Variants in ARHGAP15 observed in about 807,000 individuals in gnomAD.
ARHGAP15 encodes the protein Rho GTPase activating protein 15.
A neutral mutation model predicts 63.7 loss-of-function variants in ARHGAP15; 51 were observed. The observed-to-expected ratio is 0.80, with a 90% confidence interval of 0.64 to 1.01. The LOEUF (loss-of-function observed/expected upper bound fraction) is 1.01. ARHGAP15 is among the 50% of genes least tolerant of loss of function. The pLI is 0.00. For synonymous variants in ARHGAP15, 191 were observed against 193.8 expected, an observed-to-expected ratio of 0.99 and a Z score of 0.12; for missense variants, 560 against 564.6, an observed-to-expected ratio of 0.99 and a Z score of 0.08.
At position 143,362,046 on chromosome 2, in the gene ARHGAP15, G is replaced by T. The variant is rs1005122364; in HGVS notation, c.475-73555G>T. On this transcript the variant is annotated intron_variant, in intron 6 of 13. Transcript: ENST00000295095. ...CCTACAAGTTACCAAAGTTTAAGTT[G>T]GTTTTCCAGATTTCTTTTTTAACCA... 4.5e-4 allele frequency among the ~76,000 whole-genome samples: 69 copies of T among 152,034 alleles called. 2 individuals carry two copies. The highest frequency in any genetic ancestry group is 7.4e-5 in the Non-Finnish European group (5 of 68,000).
chr2:143,133,924 A>C (rs1689010384), intron 1 of ARHGAP15, among the ~76,000 whole-genome samples: 1 of 152,178 alleles, frequency 6.6e-6, no homozygotes, highest in African/African-American at 2.4e-5. Context: ...TCTTTTAGAA[A>C]TATAGATTAG....
At chr2:143,621,162 G>A (rs1698634640) in intron 11 of ARHGAP15, among the ~76,000 whole-genome samples, 1 of 152,020 alleles carries the variant, frequency 6.6e-6, no homozygotes, top group Non-Finnish European at 1.5e-5. Context: ...TAAAGGTCAG[G>A]GATACTGCTA....
intron 13 of ARHGAP15, among the ~76,000 whole-genome samples, chr2:143,760,943 C>G (rs1686740972): frequency 6.6e-6 from 1 of 151,862 alleles, no homozygotes; most frequent in Non-Finnish European, 1.5e-5. Flanking sequence ...TTTGAGTGAC[C>G]ACCTCGAAAC....
intron 8 of ARHGAP15, among the ~76,000 whole-genome samples, chr2:143,456,259 G>A (rs1690647852): frequency 6.6e-6 from 1 of 152,080 alleles, no homozygotes; most frequent in Non-Finnish European, 1.5e-5. Flanking sequence ...ACTTCTGTTA[G>A]ACCAAATATA....
intron 10 of ARHGAP15, among the ~76,000 whole-genome samples, chr2:143,535,466 C>A (rs1238333571): frequency 6.6e-6 from 1 of 152,036 alleles, no homozygotes; most frequent in Non-Finnish European, 1.5e-5. Flanking sequence ...GAAAAAAGGA[C>A]GAATTCTAAT....
chr2:143,581,136 C>T (rs959960209), intron 11 of ARHGAP15, among the ~76,000 whole-genome samples: 32 of 152,036 alleles, frequency 2.1e-4, no homozygotes, highest in Non-Finnish European at 7.4e-5. Context: ...GCTTGAACAC[C>T]GTCCATGTTT....
Position 143,587,147 on chromosome 2 carries a change from T to A in ARHGAP15, c.1003+30662T>A, listed in dbSNP as rs184917341. Among the ~76,000 whole-genome samples, 89 of 152,270 alleles carry A rather than the reference T, an allele frequency of 5.8e-4. 1 individual carries two copies. The highest frequency in any genetic ancestry group is 2.0e-3 in the African/African-American group (83 of 41,578). On this transcript the variant is annotated intron_variant, in intron 11 of 13. Coordinates refer to ENST00000295095, the MANE Select transcript of ARHGAP15 (RefSeq NM_018460.4). ...TTTCCTTACTCATAGGATACAGCCA[T>A]TCCCATGTCCTGATACTCTAATCAG... is the stretch of plus-strand genomic sequence containing the variant.
chr2:143,751,239 G>T (rs1686360818), intron 13 of ARHGAP15, among the ~76,000 whole-genome samples: 1 of 152,212 alleles, frequency 6.6e-6, no homozygotes, highest in Non-Finnish European at 1.5e-5. Flanking sequence ...GGATGAAGAT[G>T]GCTTGGCCTT....
intron 13 of ARHGAP15, among the ~76,000 whole-genome samples, chr2:143,704,840 A>G (rs1463799232): frequency 6.6e-6 from 1 of 152,158 alleles, no homozygotes; most frequent in East Asian, 1.9e-4. Context: ...ATGATTTTTC[A>G]TTGTGAATGT....
rs368712887 is a variant in ARHGAP15 at position 143,337,413 on chromosome 2, T to TG, written c.474+86814dup. On this transcript the variant is annotated intron_variant, in intron 6 of 13. Coordinates refer to ENST00000295095, the MANE Select transcript of ARHGAP15 (RefSeq NM_018460.4). ...ATGTTGTTTTTTTGGCATGTGGTAT[T>TG]GTTTCTATAGGCTGTATATGACAAA... Among the ~76,000 whole-genome samples, 347 of 152,308 alleles carry TG rather than the reference T, an allele frequency of 2.3e-3. 1 individual carries two copies. The highest frequency in any genetic ancestry group is 8.2e-3 in the African/African-American group (339 of 41,572).
chr2:143,522,893 G>A (rs75431592), intron 10 of ARHGAP15, among the ~76,000 whole-genome samples: 334 of 152,216 alleles, frequency 2.2e-3, no homozygotes, highest in African/African-American at 7.1e-3. Flanking sequence ...TTATGATGAC[G>A]TCATATGTGT....
At chr2:143,497,978 C>G (rs543751345) in intron 9 of ARHGAP15, among the ~76,000 whole-genome samples, 2 of 152,256 alleles carry the variant, frequency 1.3e-5, no homozygotes, top group East Asian at 3.9e-4. Flanking sequence ...CCCCATTCAG[C>G]AGATGTGTTA....
At chr2:143,202,322 A>G in intron 3 of ARHGAP15, 120 bp downstream of exon 3, 1 of 783,102 alleles carries the variant, frequency 1.3e-6, no homozygotes, top group Non-Finnish European at 2.2e-6. Context: ...GAATCAGGGC[A>G]CCACTTAGTA....
At chr2:143,323,557 A>C (rs1174162624) in intron 6 of ARHGAP15, among the ~76,000 whole-genome samples, 3 of 152,198 alleles carry the variant, frequency 2.0e-5, no homozygotes, top group Non-Finnish European at 4.4e-5. Flanking sequence ...GTCTTACCTC[A>C]AAAATGATTC....
rs1346320751 is a variant in ARHGAP15 at position 143,597,659 on chromosome 2, C to A, written c.1004-26474C>A. Among the ~76,000 whole-genome samples, 65 of 152,142 alleles carry A rather than the reference C, an allele frequency of 4.3e-4. No homozygotes were observed. In the East Asian group the frequency reaches 0.012, roughly 28 times the overall value. Reference sequence around the variant, plus strand: ...AGTAACTGTTTTGTTAAGTAAATAGCATTTACTCACATGAGAAAATAACTT... The same window carrying A: ...AGTAACTGTTTTGTTAAGTAAATAGAATTTACTCACATGAGAAAATAACTT... On this transcript the variant is annotated intron_variant, in intron 11 of 13. Transcript: ENST00000295095.
chr2:143,338,560 A>G (rs1558904253), intron 6 of ARHGAP15, among the ~76,000 whole-genome samples: 1 of 152,202 alleles, frequency 6.6e-6, no homozygotes, highest in Non-Finnish European at 1.5e-5. Flanking sequence ...TAGGAGATGA[A>G]AAGAAGGCAT....
intron 1 of ARHGAP15, among the ~76,000 whole-genome samples, chr2:143,143,539 G>C (rs546696393): frequency 3.1e-4 from 46 of 148,630 alleles, no homozygotes; most frequent in African/African-American, 1.1e-3. Flanking sequence ...ACTTCCTTTG[G>C]TCTTTATCAA....
chr2:143,353,577 A>C (rs1041537372), intron 6 of ARHGAP15, among the ~76,000 whole-genome samples: 2 of 152,180 alleles, frequency 1.3e-5, no homozygotes, highest in African/African-American at 4.8e-5. Context: ...TAGATAAATG[A>C]ACCTGTGTCC....
chr2:143,441,000 C>T (rs1254745898), intron 8 of ARHGAP15, among the ~76,000 whole-genome samples: 1 of 152,168 alleles, frequency 6.6e-6, no homozygotes, highest in Non-Finnish European at 1.5e-5. Flanking sequence ...CTTTCCACAT[C>T]TATAAAAATG....
Sources: allele counts gnomAD v4.1 joint callset (sites outside exome capture counted in the v4.1 genomes callset), GRCh38; gene constraint gnomAD v4.1.1; transcripts MANE v1.5; gene names NCBI Gene and HGNC (gene_info 2026-07-23, HGNC 2026-07-21).